The following CDK5RAP3 variants were observed in gnomAD, a reference collection of about 807,000 sequenced individuals.
The protein encoded by CDK5RAP3 is CDK5 regulatory subunit-associated protein 3.
In CDK5RAP3, 58 loss-of-function variants were observed where a neutral mutation model predicts 73.3. The observed-to-expected ratio is 0.79, with a 90% confidence interval of 0.64 to 0.98. CDK5RAP3 has a LOEUF of 0.98. Ranked by LOEUF, CDK5RAP3 falls within the 50% of genes least tolerant of loss-of-function variation. The pLI is 0.00. For missense variants in CDK5RAP3, 525 were observed against 615.8 expected (o/e 0.85, Z 1.56); for synonymous variants, 224 against 247.5 (o/e 0.91, Z 0.89).
intron 4 of CDK5RAP3, 28 bp from the exon 5 acceptor site, chr17:47,974,372 T>A: frequency 1.2e-6 from 2 of 1,602,658 alleles, no homozygotes; most frequent in African/African-American, 2.7e-5. Flanking sequence ...CTTTTCTGGC[T>A]TAACATTGTT....
In CDK5RAP3 at chr17:47,975,851, T is replaced by C; in HGVS notation, c.654-18T>C. The C allele has an allele frequency of 1.9e-6, 3 of 1,613,968 alleles. No homozygotes were observed. The highest frequency in any genetic ancestry group is 2.5e-6 in the Non-Finnish European group (3 of 1,179,964). ...TACGCATGGTCGGCAGGAGAGTCAG[T>C]TGTGTGCTCTGTTGAAGCCCCACAG... On this transcript the variant is annotated intron_variant, in intron 7 of 13. Transcript: ENST00000338399.
rs752487753 is a variant in CDK5RAP3 at position 47,975,556 on chromosome 17, C to G, written c.556C>G (p.Leu186Val). 2 of 1,611,312 alleles carry G rather than the reference C, an allele frequency of 1.2e-6. No individual in the cohort carries two copies. The highest frequency in any genetic ancestry group is 8.5e-7 in the Non-Finnish European group (1 of 1,180,026). ...AGAACTGCTGGCCCTGGTGAAGGAC[C>G]TGCCGAGTCAGCTGGCTGAGATTGG... ...RGELLALVKD[L>V]PSQLAEIGAA... The change falls in exon 7 of 14, where the codon CTG becomes GTG. Residue 186 changes from leucine to valine, a missense_variant. Physicochemically the swap from Leu to Val is conservative, Grantham distance 32. Transcript: ENST00000338399.
rs754671305 is a variant in CDK5RAP3, at chr17:47,971,401, C to G, written c.46C>G (p.Leu16Val). 31 of 1,606,918 alleles carry G rather than the reference C, an allele frequency of 1.9e-5. No individual in the cohort carries two copies. The highest frequency in any genetic ancestry group is 2.6e-5 in the Non-Finnish European group (31 of 1,176,796). ...GCCCATCGACATCCAGACCAGCAAG[C>G]TGCTCGGTAGGAGGGGGCGCCACCG... is the stretch of plus-strand genomic sequence containing the variant. ...HVPIDIQTSK[L>V]LDWLVDRRHC... Residue 16 changes from leucine (L) to valine (V), a missense_variant, in exon 2 of 14, where the codon CTG becomes GTG. Coordinates refer to ENST00000338399, the MANE Select transcript of CDK5RAP3 (RefSeq NM_176096.3).
chr17:47,972,531 C>T (rs767254799), intron 2 of CDK5RAP3, among the ~76,000 whole-genome samples: 1 of 152,108 alleles, frequency 6.6e-6, no homozygotes, highest in Non-Finnish European at 1.5e-5. Context: ...TTTAGTCAGT[C>T]CTGCTTGGTG....
upstream of CDK5RAP3, chr17:47,970,544 T>G: frequency 1.2e-6 from 1 of 859,990 alleles, no homozygotes; most frequent in Admixed American, 2.0e-5. Context: ...AATGTAGGTG[T>G]TCTCTTTGGG....
chr17:47,980,264 C>T (rs1320884594), intron 11 of CDK5RAP3: 1 of 289,098 alleles, frequency 3.5e-6, no homozygotes, highest in Non-Finnish European at 6.7e-6. Flanking sequence ...AATTTATCTT[C>T]TTTTTTTCTT....
rs202225452 is a variant in CDK5RAP3, at chr17:47,973,915, G to A, written c.185-16G>A. 96 of 1,597,242 alleles carry A rather than the reference G, an allele frequency of 6.0e-5. No individual in the cohort carries two copies. The highest frequency in any genetic ancestry group is 1.7e-4 in the Middle Eastern group (1 of 6,006). On this transcript the variant is annotated splice_polypyrimidine_tract_variant and intron_variant, in intron 3 of 13. Transcript: ENST00000338399. The stretch of plus-strand genomic sequence containing the variant: ...AAGATACTTTAGTTCTCGAAATCCC[G>A]TCTCTTGCTTTCTAGACATTCACTA...
At chr17:47,969,576 A>G (rs1380777987), upstream of CDK5RAP3, among the ~76,000 whole-genome samples, 35 of 139,104 alleles carry the variant, frequency 2.5e-4, no homozygotes, top group African/African-American at 8.0e-4. Context: ...AAAAAAAAAA[A>G]AAAAAAAAGA....
chr17:47,978,520 G>T, intron 10 of CDK5RAP3: 2 of 345,588 alleles, frequency 5.8e-6, no homozygotes, highest in Non-Finnish European at 1.1e-5. Context: ...AGACGTAGTG[G>T]TGTCTGAGCC....
chr17:47,981,511 G>A lies in CDK5RAP3; in HGVS notation c.*9G>A, dbSNP rs763074266. 11 of 1,614,204 alleles carry A rather than the reference G, an allele frequency of 6.8e-6. No individual in the cohort carries two copies. The highest frequency in any genetic ancestry group is 1.7e-4 in the Middle Eastern group (1 of 6,056). On this transcript the variant is annotated 3_prime_UTR_variant, in exon 14 of 14. Transcript: ENST00000338399. ...TGGGAACCTCTCTGTGACACCCTCCGTGTTCTTGCCTGCCCATCTTCTCCG... is the reference window on the plus strand; with the variant it reads ...TGGGAACCTCTCTGTGACACCCTCCATGTTCTTGCCTGCCCATCTTCTCCG...
chr17:47,968,292 C>CTATAATAATAGATATAGATATAATAGA (rs2036210003), upstream of CDK5RAP3, among the ~76,000 whole-genome samples: 1 of 152,030 alleles, frequency 6.6e-6, no homozygotes, highest in African/African-American at 2.4e-5. Context: ...TCAATCCGTT[C>CTATAATAATAGATATAGATATAATAGA]TATAATAATA....
upstream of CDK5RAP3, chr17:47,970,549 T>C: frequency 2.2e-6 from 2 of 913,374 alleles, no homozygotes; most frequent in South Asian, 1.4e-5. Context: ...AGGTGTTCTC[T>C]TTGGGACGTC....
chr17:47,968,951 C>T (rs571027122), upstream of CDK5RAP3, among the ~76,000 whole-genome samples: 2 of 152,074 alleles, frequency 1.3e-5, no homozygotes, highest in Non-Finnish European at 2.9e-5. Flanking sequence ...GCGCCTGGCC[C>T]ATATATGATA....
chr17:47,972,012 A>C (rs12944699), intron 2 of CDK5RAP3, among the ~76,000 whole-genome samples: 3,607 of 151,910 alleles, frequency 0.024, 135 homozygotes, highest in African/African-American at 0.082. Flanking sequence ...AAGACAAAAA[A>C]CAGTCAACCA....
chr17:47,971,524 G>A, intron 2 of CDK5RAP3, 117 bp downstream of exon 2: 2 of 1,004,980 alleles, frequency 2.0e-6, no homozygotes. Flanking sequence ...GCTGACCACT[G>A]GCCTCGTTCT....
At chr17:47,976,608 C>G in intron 8 of CDK5RAP3, 104 bp from the exon 9 acceptor site, 1 of 770,390 alleles carries the variant, frequency 1.3e-6, no homozygotes, top group Non-Finnish European at 2.3e-6. Flanking sequence ...AAGCAATCCA[C>G]TATCCTCGGC....
chr17:47,981,463 C>G lies in CDK5RAP3; in HGVS notation c.1482C>G (p.Tyr494Ter). The stretch of plus-strand genomic sequence containing the variant: ...TTGAAGCTGACATCTCCAAGAGGTA[C>G]AGCGGGCGCCCTGTGAACCTGATGG... ...KLIEADISKR[Y>*]SGRPVNLMGT... Residue 494 changes from tyrosine to a stop codon, truncating the protein, a stop_gained, in exon 14 of 14, where the codon TAC becomes TAG. Transcript: ENST00000338399. LOFTEE classifies it high-confidence loss of function. 1 of 1,614,244 alleles carries G rather than the reference C, an allele frequency of 6.2e-7. No homozygotes were observed. The highest frequency in any genetic ancestry group is 8.5e-7 in the Non-Finnish European group (1 of 1,180,042).
intron 2 of CDK5RAP3, among the ~76,000 whole-genome samples, chr17:47,972,929 A>G (rs1567722680): frequency 6.6e-6 from 1 of 152,188 alleles, no homozygotes; most frequent in South Asian, 2.1e-4. Flanking sequence ...CACTGAGGAA[A>G]TATGCATGGC....
At chr17:47,971,189 C>T (rs1179898593) in intron 1 of CDK5RAP3, 37 bp downstream of exon 1, 3 of 1,535,544 alleles carry the variant, frequency 2.0e-6, no homozygotes, top group South Asian at 1.2e-5. Context: ...GGGGACTGGC[C>T]GCGGACCCCT....
Sources: allele counts gnomAD v4.1 joint callset (sites outside exome capture counted in the v4.1 genomes callset), GRCh38; gene constraint gnomAD v4.1.1; transcripts MANE v1.5; gene names NCBI Gene and HGNC (gene_info 2026-07-23, HGNC 2026-07-21).